Variants in TUSC3 observed in about 807,000 individuals in gnomAD.
TUSC3 encodes dolichyl-diphosphooligosaccharide--protein glycosyltransferase subunit TUSC3.
In TUSC3, 45 loss-of-function variants were observed where a neutral mutation model predicts 44.8. That is an observed-to-expected ratio of 1.00 (90% CI 0.79 to 1.29). TUSC3 has a LOEUF of 1.29. TUSC3 is among the 50% of genes most tolerant of loss of function. TUSC3 has a pLI of 0.00. For synonymous variants in TUSC3, 212 were observed against 152.9 expected, an observed-to-expected ratio of 1.39 and a Z score of -2.85; for missense variants, 519 against 437.9, an observed-to-expected ratio of 1.19 and a Z score of -1.65.
At chr8:15,766,959 T>A (rs773667958), downstream of TUSC3, among the ~76,000 whole-genome samples, 11 of 152,122 alleles carry the variant, frequency 7.2e-5, no homozygotes, top group Non-Finnish European at 1.2e-4. Context: ...AATTGACGCT[T>A]GAAGACTCAA....
chr8:15,437,118 C>T (rs1799958196), intron 1 of TUSC3, among the ~76,000 whole-genome samples: 3 of 152,050 alleles, frequency 2.0e-5, no homozygotes, highest in Admixed American at 6.6e-5. Context: ...ACTGCAGAGA[C>T]CTGAAAAGTT....
At chr8:15,572,204 A>G (rs1802905068) in intron 1 of TUSC3, among the ~76,000 whole-genome samples, 1 of 152,174 alleles carries the variant, frequency 6.6e-6, no homozygotes, top group African/African-American at 2.4e-5. Context: ...GTCTCCATCA[A>G]TTATGCTAGC....
At chr8:15,788,987 T>G in the TUSC3 span, among the ~76,000 whole-genome samples, 1 of 152,154 alleles carries the variant, frequency 6.6e-6, no homozygotes, top group Non-Finnish European at 1.5e-5. Flanking sequence ...GCCTCCCCTT[T>G]CCTCAGCTGC....
chr8:15,446,436 A>G (rs1027060281), intron 1 of TUSC3, among the ~76,000 whole-genome samples: 3 of 152,088 alleles, frequency 2.0e-5, no homozygotes, highest in Non-Finnish European at 4.4e-5. Flanking sequence ...AGCCTGGGCA[A>G]CATTGAGCAC....
intron 1 of TUSC3, among the ~76,000 whole-genome samples, chr8:15,450,044 C>A (rs939099743): frequency 6.6e-6 from 1 of 152,082 alleles, no homozygotes; most frequent in African/African-American, 2.4e-5. Context: ...CTTAGCACAA[C>A]AACAAAATTG....
intron 1 of TUSC3, among the ~76,000 whole-genome samples, chr8:15,550,971 AC>A (rs903694076): frequency 6.6e-6 from 1 of 151,732 alleles, no homozygotes; most frequent in Admixed American, 6.6e-5. Flanking sequence ...ATGGTAACTT[AC>A]AAAGTGTTAA....
chr8:15,546,643 C>T (rs755080921), intron 1 of TUSC3, among the ~76,000 whole-genome samples: 1 of 151,548 alleles, frequency 6.6e-6, no homozygotes, highest in Non-Finnish European at 1.5e-5. Flanking sequence ...TCAAGCAATC[C>T]CCCTGCCTCA....
intron 6 of TUSC3, among the ~76,000 whole-genome samples, chr8:15,685,275 C>T (rs2129187203): frequency 6.6e-6 from 1 of 152,164 alleles, no homozygotes; most frequent in East Asian, 1.9e-4. Flanking sequence ...CTCACCGCTT[C>T]CTCAGGTCTG....
intron 4 of TUSC3, among the ~76,000 whole-genome samples, 194 bp downstream of exon 4, chr8:15,659,841 A>G (rs548851567): frequency 6.6e-6 from 1 of 152,242 alleles, no homozygotes; most frequent in East Asian, 1.9e-4. Flanking sequence ...ATAGTGGTTC[A>G]CTGATATTTT....
chr8:15,488,977 C>G (rs1477522632), intron 2 of TUSC3, among the ~76,000 whole-genome samples: 2 of 152,132 alleles, frequency 1.3e-5, no homozygotes, highest in East Asian at 1.9e-4. Flanking sequence ...AGTCTCTTGG[C>G]TATTCAGGAT....
At chr8:15,466,499 T>G (rs181368798) in intron 1 of TUSC3, among the ~76,000 whole-genome samples, 211 of 152,266 alleles carry the variant, frequency 1.4e-3, no homozygotes, top group Middle Eastern at 3.4e-3. Context: ...AAATAGTTCT[T>G]AGCTTATTTT....
At chr8:15,487,401 G>C (rs908819650) in intron 2 of TUSC3, among the ~76,000 whole-genome samples, 4 of 152,104 alleles carry the variant, frequency 2.6e-5, no homozygotes, top group African/African-American at 7.2e-5. Context: ...GCCTCAATCA[G>C]TTTCTTTTCT....
At chr8:15,426,318 T>A (rs893022859) in intron 1 of TUSC3, among the ~76,000 whole-genome samples, 1 of 152,222 alleles carries the variant, frequency 6.6e-6, no homozygotes, top group Non-Finnish European at 1.5e-5. Context: ...TATTGTTAAC[T>A]ATAGGCACTA....
intron 2 of TUSC3, among the ~76,000 whole-genome samples, chr8:15,528,995 T>C (rs1013723524): frequency 1.3e-5 from 2 of 152,230 alleles, no homozygotes; most frequent in African/African-American, 4.8e-5. Context: ...AACAGTTCTT[T>C]GAAATTTTAT....
the TUSC3 span, among the ~76,000 whole-genome samples, chr8:15,772,813 G>C: frequency 6.6e-6 from 1 of 152,140 alleles, no homozygotes; most frequent in Non-Finnish European, 1.5e-5. Context: ...GACCAAGTGG[G>C]AATTATTCCA....
chr8:15,793,388 C>A, the TUSC3 span, among the ~76,000 whole-genome samples: 1,504 of 152,258 alleles, frequency 9.9e-3, 17 homozygotes, highest in African/African-American at 0.034. Flanking sequence ...GCCTTGCACA[C>A]AGCATAGCAC....
At chr8:15,773,486 T>C in the TUSC3 span, among the ~76,000 whole-genome samples, 2 of 152,108 alleles carry the variant, frequency 1.3e-5, no homozygotes, top group African/African-American at 4.8e-5. Context: ...AGTTCATACG[T>C]TGAAAAACAT....
In TUSC3 at chr8:15,673,783, A is replaced by C. The variant is rs1808061481; in HGVS notation, c.745A>C (p.Asn249His). ...VFAMTSGQMW[N>H]HIRGPPYAHK... is the part of the protein sequence containing the mutation. ...TGCTATGACTTCTGGCCAGATGTGG[A>C]ACCATATCCGTGGACCTCCATATGC... The change falls in exon 6 of 11, where the codon AAC becomes CAC. Residue 249 changes from asparagine (N) to histidine (H), a missense_variant. By Grantham distance (68) the Asn-to-His change is moderately conservative (BLOSUM62 1). Coordinates refer to ENST00000503731, the MANE Select transcript of TUSC3 (RefSeq NM_006765.4). The C allele has an allele frequency of 6.2e-7, 1 of 1,612,756 alleles. No individual in the cohort carries two copies. The highest frequency in any genetic ancestry group is 1.3e-5 in the African/African-American group (1 of 74,850).
chr8:15,724,724 G>A (rs116167597), intron 6 of TUSC3, among the ~76,000 whole-genome samples: 6 of 152,240 alleles, frequency 3.9e-5, no homozygotes, highest in Middle Eastern at 3.4e-3. Flanking sequence ...ACTGAAACAG[G>A]CTGAAAGGAT....
Sources: gnomAD v4.1 joint callset for allele counts (sites outside exome capture counted in the v4.1 genomes callset) on GRCh38, gnomAD v4.1.1 for gene constraint, MANE v1.5 for transcripts, NCBI Gene and HGNC (gene_info 2026-07-23, HGNC 2026-07-21) for gene names.